The following SCLT1 variants were observed in gnomAD, a reference collection of about 807,000 sequenced individuals.
SCLT1 encodes the protein sodium channel and clathrin linker 1.
In SCLT1, 78 loss-of-function variants were observed where a neutral mutation model predicts 112.8. The ratio of observed to expected loss-of-function variants is 0.69; its 90% CI spans 0.58 to 0.83. The LOEUF is 0.83. Ranked by LOEUF, SCLT1 falls within the 40% of genes least tolerant of loss-of-function variation. The pLI, the probability that SCLT1 is intolerant of heterozygous loss-of-function variation, is 0.00. For synonymous variants in SCLT1, 257 were observed against 254.7 expected (o/e 1.01, Z -0.09); for missense variants, 747 against 770.4 (o/e 0.97, Z 0.36).
intron 5 of SCLT1, among the ~76,000 whole-genome samples, chr4:129,024,982 G>C (rs1370285296): frequency 3.1e-4 from 47 of 150,936 alleles, no homozygotes; most frequent in East Asian, 1.8e-3. Flanking sequence ...AATGAAGCGA[G>C]AAGGGAAGTT....
At chr4:129,027,300 C>T (rs2126135732) in intron 5 of SCLT1, among the ~76,000 whole-genome samples, 2 of 152,242 alleles carry the variant, frequency 1.3e-5, no homozygotes, top group South Asian at 4.1e-4. Context: ...CAAAAATCCT[C>T]AATAAAATAC....
intron 5 of SCLT1, among the ~76,000 whole-genome samples, chr4:129,024,965 T>C (rs1409355488): frequency 9.2e-5 from 14 of 151,868 alleles, no homozygotes; most frequent in Non-Finnish European, 1.9e-4. Flanking sequence ...GAAGATGAAA[T>C]GAATGAAATG....
chr4:129,082,292 T>C lies in SCLT1; in HGVS notation c.102+14A>G. The C allele has an allele frequency of 7.7e-7, 1 of 1,294,968 alleles. No individual in the cohort carries two copies. Among genetic ancestry groups the C allele is most frequent in the East Asian group, 2.6e-5 (1 of 38,190 alleles). 80.2% of individuals were successfully genotyped at this position (1,294,968 alleles called of 1,614,324 possible). On this transcript the variant is annotated intron_variant, in intron 2 of 20. Transcript: ENST00000281142. ...CATGAGAATATTCCCAAGTAGAATT[T>C]ATAATTTACATACCTGTACAGATGA... is the stretch of plus-strand genomic sequence containing the variant.
intron 11 of SCLT1, among the ~76,000 whole-genome samples, chr4:128,960,685 C>A (rs1441347306): frequency 6.6e-6 from 1 of 151,684 alleles, no homozygotes; most frequent in African/African-American, 2.4e-5. Context: ...CTTTGGGAGG[C>A]CGAGGCGGGT....
rs545140787 is a variant in SCLT1, at chr4:129,056,471, G to C, written c.103-12420C>G. 4.6e-5 allele frequency among the ~76,000 whole-genome samples: 7 copies of C among 152,184 alleles called. No homozygotes were observed. In the East Asian group the frequency reaches 1.4e-3, roughly 29 times the overall value. On this transcript the variant is annotated intron_variant, in intron 2 of 20. Coordinates refer to ENST00000281142, the MANE Select transcript of SCLT1 (RefSeq NM_144643.4). Reference sequence around the variant, plus strand: ...CTCCAGCTTTGTTCTTCAAATCCATGAACATGGTATGTATTTCTATTTGGA... The same window carrying C: ...CTCCAGCTTTGTTCTTCAAATCCATCAACATGGTATGTATTTCTATTTGGA...
At chr4:129,070,291 C>A (rs1750882688) in intron 2 of SCLT1, among the ~76,000 whole-genome samples, 1 of 151,956 alleles carries the variant, frequency 6.6e-6, no homozygotes, top group South Asian at 2.1e-4. Flanking sequence ...AGGGAGGGTT[C>A]TTTCTTTCTC....
At chr4:128,893,699 C>T (rs993522195) in intron 18 of SCLT1, among the ~76,000 whole-genome samples, 7 of 151,682 alleles carry the variant, frequency 4.6e-5, no homozygotes, top group Non-Finnish European at 7.4e-5. Context: ...CCCGCCACCA[C>T]GCCCAGCTAA....
At chr4:128,911,720 G>A (rs1681565995) in intron 18 of SCLT1, among the ~76,000 whole-genome samples, 1 of 152,122 alleles carries the variant, frequency 6.6e-6, no homozygotes, top group Non-Finnish European at 1.5e-5. Context: ...AAGTTTCCAC[G>A]GGGAATAAAG....
chr4:128,873,722 T>A (rs1257226739), intron 5 of SCLT1: 2 of 152,342 alleles, frequency 1.3e-5, no homozygotes, highest in Non-Finnish European at 2.9e-5. Context: ...TAAATTCTCC[T>A]TAGTTTGTTA....
chr4:128,952,950 G>A (rs1738888514), intron 13 of SCLT1, 110 bp from the exon 14 acceptor site: 1 of 661,080 alleles, frequency 1.5e-6, no homozygotes, highest in Non-Finnish European at 2.7e-6. Context: ...GTAACTTTTA[G>A]GGCATAAAAG....
intron 2 of SCLT1, among the ~76,000 whole-genome samples, chr4:129,053,556 G>GTTTTTTTT (rs1749035905): frequency 9.2e-5 from 3 of 32,454 alleles, no homozygotes; most frequent in African/African-American, 2.6e-4. Flanking sequence ...TGCAATCCCT[G>GTTTTTTTT]ATTTTTTTTT....
chr4:129,052,019 T>C (rs1748845804), intron 2 of SCLT1, among the ~76,000 whole-genome samples: 1 of 152,172 alleles, frequency 6.6e-6, no homozygotes, highest in Non-Finnish European at 1.5e-5. Flanking sequence ...GTTTATGTGA[T>C]GGATTATGTT....
At chr4:128,955,312 T>C (rs189968043) in intron 13 of SCLT1, among the ~76,000 whole-genome samples, 8 of 152,304 alleles carry the variant, frequency 5.3e-5, no homozygotes, top group Middle Eastern at 3.4e-3. Context: ...ATTTTATGAA[T>C]AGTAAGGACA....
intron 18 of SCLT1, among the ~76,000 whole-genome samples, chr4:128,906,389 G>A (rs771728543): frequency 5.3e-5 from 8 of 151,970 alleles, no homozygotes; most frequent in Non-Finnish European, 1.2e-4. Context: ...TAGTAGAGAC[G>A]GGGTGTCATG....
intron 5 of SCLT1, among the ~76,000 whole-genome samples, chr4:129,027,764 A>G (rs1746261657): frequency 6.6e-6 from 1 of 152,204 alleles, no homozygotes; most frequent in Non-Finnish European, 1.5e-5. Context: ...ACATGATTGT[A>G]TATCTAGAAA....
intron 6 of SCLT1, among the ~76,000 whole-genome samples, chr4:129,001,137 G>A (rs1471396337): frequency 1.3e-5 from 2 of 151,896 alleles, no homozygotes; most frequent in Non-Finnish European, 2.9e-5. Flanking sequence ...TCGTAAAAAT[G>A]CCTCATACCT....
intron 5 of SCLT1, among the ~76,000 whole-genome samples, chr4:129,028,159 A>G (rs1746309833): frequency 6.6e-6 from 1 of 152,216 alleles, no homozygotes; most frequent in African/African-American, 2.4e-5. Context: ...CTTTCTTCAC[A>G]GAACTGGAAA....
intron 18 of SCLT1, among the ~76,000 whole-genome samples, chr4:128,899,711 A>G (rs1272265368): frequency 6.6e-6 from 1 of 152,210 alleles, no homozygotes; most frequent in Non-Finnish European, 1.5e-5. Context: ...AGGGTATTCA[A>G]TTAGGAAAAG....
chr4:128,903,398 A>G (rs1042043536), intron 18 of SCLT1, among the ~76,000 whole-genome samples: 4 of 152,190 alleles, frequency 2.6e-5, no homozygotes, highest in Admixed American at 1.3e-4. Context: ...GTACATTACC[A>G]TATTTGCTGA....
Sources: allele counts gnomAD v4.1 joint callset (sites outside exome capture counted in the v4.1 genomes callset), GRCh38; gene constraint gnomAD v4.1.1; transcripts MANE v1.5; gene names NCBI Gene and HGNC (gene_info 2026-07-23, HGNC 2026-07-21).